The following CCDC80 variants were observed in gnomAD, a reference collection of about 807,000 sequenced individuals.
CCDC80 encodes the protein coiled-coil domain containing 80.
CCDC80 carries 49 observed loss-of-function variants against 78.7 expected under a neutral mutation model. The ratio of observed to expected loss-of-function variants is 0.62; its 90% CI spans 0.50 to 0.79. CCDC80 has a LOEUF of 0.79. Among genes scored for constraint, CCDC80 ranks in the 30% least tolerant of loss-of-function variants. CCDC80 has a pLI of 0.00. For missense variants in CCDC80, 1,205 were observed against 1,198.6 expected (o/e 1.01, Z -0.08); for synonymous variants, 488 against 447.0 (o/e 1.09, Z -1.16).
intron 5 of CCDC80, 81 bp from the exon 6 acceptor site, chr3:112,610,162 G>C (rs1559874978): frequency 8.1e-7 from 1 of 1,233,272 alleles, no homozygotes; most frequent in Admixed American, 1.9e-5. Flanking sequence ...AGTGACTTAG[G>C]CTAGCAATTT....
intron 6 of CCDC80, among the ~76,000 whole-genome samples, chr3:112,608,344 A>G (rs1013146182): frequency 2.6e-5 from 4 of 152,238 alleles, no homozygotes; most frequent in Non-Finnish European, 5.9e-5. Flanking sequence ...GCAAAATGCT[A>G]TTCAAAAAAA....
chr3:112,621,428 A>G (rs1935866535), intron 3 of CCDC80, among the ~76,000 whole-genome samples: 1 of 152,046 alleles, frequency 6.6e-6, no homozygotes, highest in Admixed American at 6.6e-5. Flanking sequence ...GATCAGCAGA[A>G]CCTCCTACCC....
rs144078455 is a variant in CCDC80, at chr3:112,606,971, AAAT to A, written c.2506+202_2506+204del. ...TGTTACTTGGAATGGTTTATATTAG[AAAT>A]AATATTAGTCCCTGTACTCCACACC... On this transcript the variant is annotated intron_variant, in intron 7 of 7. Coordinates refer to ENST00000206423, the MANE Select transcript of CCDC80 (RefSeq NM_199511.3). Among the ~76,000 whole-genome samples the A allele has an allele frequency of 8.6e-3, 1,315 of 152,300 alleles. 8 individuals are homozygous for A. The highest frequency in any genetic ancestry group is 0.014 in the Middle Eastern group (4 of 294).
In CCDC80 at chr3:112,597,577, C is replaced by G. The variant is rs947880804; in HGVS notation, c.*7840G>C. The G allele has an allele frequency of 3.3e-5, 5 of 152,096 alleles. No homozygotes were observed. The highest frequency in any genetic ancestry group is 2.9e-5 in the Non-Finnish European group (2 of 68,024). 9.4% of individuals were successfully genotyped at this position (152,096 alleles called of 1,614,324 possible). A position where few individuals can be genotyped will look rare whatever the true frequency, so the allele number is the denominator to read the frequency against. ...AATGAATTAATACAAGTGTCAGCAT[C>G]TTTCATGGACATCCAGACAATTTCT... is the stretch of plus-strand genomic sequence containing the variant. On this transcript the variant is annotated 3_prime_UTR_variant, in exon 8 of 8. Transcript: ENST00000206423.
At chr3:112,605,803 C>G (rs1212373740) in intron 7 of CCDC80, 40 bp from the exon 8 acceptor site, 1 of 1,504,618 alleles carries the variant, frequency 6.6e-7, no homozygotes, top group African/African-American at 1.4e-5. Flanking sequence ...GTAGATTAAA[C>G]AGTCAGAGCC....
chr3:112,622,007 T>G (rs1426747875), intron 3 of CCDC80, among the ~76,000 whole-genome samples: 1 of 152,150 alleles, frequency 6.6e-6, no homozygotes, highest in Non-Finnish European at 1.5e-5. Context: ...GAAAACCCAA[T>G]CTGTCACAGA....
chr3:112,599,621 C>T lies in CCDC80; in HGVS notation c.*5796G>A, dbSNP rs1009099506. The T allele has an allele frequency of 6.6e-6, 1 of 152,262 alleles. No individual in the cohort carries two copies. Among genetic ancestry groups the T allele is most frequent in the African/African-American group, 2.4e-5 (1 of 41,452 alleles). 9.4% of individuals were successfully genotyped at this position (152,262 alleles called of 1,614,324 possible). ...TCTCCACACATTCAGTACTGAGACACATTAAGAAGGGCCCACTGAGGCCAT... is the reference window on the plus strand; with the variant it reads ...TCTCCACACATTCAGTACTGAGACATATTAAGAAGGGCCCACTGAGGCCAT... On this transcript the variant is annotated 3_prime_UTR_variant, in exon 8 of 8. Coordinates refer to ENST00000206423, the MANE Select transcript of CCDC80 (RefSeq NM_199511.3).
chr3:112,610,166 G>A (rs759499743), intron 5 of CCDC80, 85 bp from the exon 6 acceptor site: 2 of 1,175,556 alleles, frequency 1.7e-6, no homozygotes, highest in Non-Finnish European at 2.5e-6. Flanking sequence ...ACTTAGGCTA[G>A]CAATTTTTTT....
rs772496790 is a variant in CCDC80, at chr3:112,638,866, G to T, written c.1040C>A (p.Thr347Asn). ...AGGAGGAAGGGTGGTGGCTCTGGGG[G>T]TTGAGGGAGGTTGGGGCAAAGCTGG... Reference protein sequence around the residue: ...TAPALPQPPSTPRATTLPPAP... With the variant: ...TAPALPQPPSNPRATTLPPAP... Residue 347 changes from threonine (T) to asparagine (N), a missense_variant, in exon 2 of 8, where the codon ACC becomes AAC. Coordinates refer to ENST00000206423, the MANE Select transcript of CCDC80 (RefSeq NM_199511.3). 6 of 1,613,664 alleles carry T rather than the reference G, an allele frequency of 3.7e-6. No individual in the cohort carries two copies. In the South Asian group the frequency reaches 6.6e-5, roughly 18 times the overall value.
rs1935468186 is a variant in CCDC80 at position 112,605,594 on chromosome 3, T to C, written c.2676A>G (p.Leu892=). 2 of 1,614,068 alleles carry C rather than the reference T, an allele frequency of 1.2e-6. No individual in the cohort carries two copies. The highest frequency in any genetic ancestry group is 1.1e-5 in the South Asian group (1 of 91,078). Residue 892 remains leucine, a synonymous_variant, in exon 8 of 8, where the codon TTA becomes TTG. Coordinates refer to ENST00000206423, the MANE Select transcript of CCDC80 (RefSeq NM_199511.3). The part of the protein sequence containing the change: ...PMWSMVIVYD[L]IDSMQLRRQE... ...GTCTCCGAAGTTGCATCGAATCAAT[T>C]AAATCGTACACAATCACCATGGACC...
chr3:112,622,822 A>ATTTTTTTTTTTTTTTT (rs373170477), intron 3 of CCDC80, among the ~76,000 whole-genome samples: 8 of 118,898 alleles, frequency 6.7e-5, no homozygotes, highest in African/African-American at 2.1e-4. Flanking sequence ...TGCCCAGCTA[A>ATTTTTTTTTTTTTTTT]TTTTTTTTTT....
chr3:112,622,664 TA>T (rs1935889880), intron 3 of CCDC80, among the ~76,000 whole-genome samples: 1 of 152,006 alleles, frequency 6.6e-6, no homozygotes, highest in East Asian at 1.9e-4. Flanking sequence ...AAATTATTAT[TA>T]TTATTTTTGA....
In CCDC80 at chr3:112,639,239, T is replaced by C; in HGVS notation, c.667A>G (p.Met223Val). 1 of 1,614,158 alleles carries C rather than the reference T, an allele frequency of 6.2e-7. No individual in the cohort carries two copies. The highest frequency in any genetic ancestry group is 8.5e-7 in the Non-Finnish European group (1 of 1,180,018). ...CCCTTCTCCAGCTTCAGGAAGCTCA[T>C]CAGCTTAGGGATGAGGCTAGGGTCC... ...PLDPSLIPKLMSFLKLEKGKF... is the reference protein window; with the variant it reads ...PLDPSLIPKLVSFLKLEKGKF... Residue 223 changes from methionine (M) to valine (V), a missense_variant, in exon 2 of 8, where the codon ATG (methionine) becomes GTG (valine). By Grantham distance (21) the Met-to-Val change is conservative (BLOSUM62 1). Coordinates refer to ENST00000206423, the MANE Select transcript of CCDC80 (RefSeq NM_199511.3).
At chr3:112,622,800 C>T (rs1559878386) in intron 3 of CCDC80, among the ~76,000 whole-genome samples, 1 of 150,138 alleles carries the variant, frequency 6.7e-6, no homozygotes, top group Non-Finnish European at 1.5e-5. Flanking sequence ...GGATTACAGG[C>T]ATGCACCACC....
At position 112,604,286 on chromosome 3, in the gene CCDC80, C is replaced by T. The variant is rs147873734; in HGVS notation, c.*1131G>A. ...ACAGCATCACATGCTGCAGAGAAAT[C>T]TTTCATGAAGAAAAAGTCAATCGAA... is the stretch of plus-strand genomic sequence containing the variant. On this transcript the variant is annotated 3_prime_UTR_variant, in exon 8 of 8. Coordinates refer to ENST00000206423, the MANE Select transcript of CCDC80 (RefSeq NM_199511.3). The T allele has an allele frequency of 6.6e-6, 1 of 152,160 alleles. No individual in the cohort carries two copies. Among genetic ancestry groups the T allele is most frequent in the Non-Finnish European group, 1.5e-5 (1 of 68,030 alleles). The allele number at this position is 152,160 out of a possible 1,614,324, so 9.4% of individuals were successfully genotyped here.
Position 112,638,240 on chromosome 3 carries a change from T to C in CCDC80, c.1666A>G (p.Asn556Asp), listed in dbSNP as rs1936252605. 6.2e-7 allele frequency: 1 copy of C among 1,613,610 alleles called. No homozygotes were observed. Among genetic ancestry groups the C allele is most frequent in the Admixed American group, 1.7e-5 (1 of 59,946 alleles). The change falls in exon 2 of 8, where the codon AAT becomes GAT. Residue 556 changes from asparagine to aspartate, a missense_variant. Coordinates refer to ENST00000206423, the MANE Select transcript of CCDC80 (RefSeq NM_199511.3). ...PEKEKKKKMK[N>D]ENADKLLKSE... is the part of the protein sequence containing the mutation. ...TTAAGTAACTTGTCTGCGTTCTCAT[T>C]CTTCATCTTTTTTTTCTTCTCCTTC...
At chr3:112,612,106 T>C (rs1935644008) in intron 5 of CCDC80, among the ~76,000 whole-genome samples, 1 of 150,586 alleles carries the variant, frequency 6.6e-6, no homozygotes, top group Non-Finnish European at 1.5e-5. Context: ...GACAGGGAGC[T>C]GAATGTGTCT....
At chr3:112,633,493 T>G (rs1936140667) in intron 2 of CCDC80, among the ~76,000 whole-genome samples, 1 of 152,218 alleles carries the variant, frequency 6.6e-6, no homozygotes, top group African/African-American at 2.4e-5. Context: ...AGGCAGAATG[T>G]AAGTTCCTCA....
In CCDC80 at chr3:112,619,053, C is replaced by T. The variant is rs747085670; in HGVS notation, c.2087G>A (p.Arg696His). ...VVDDEDLVDQ[R>H]LISELRKEYG... is the part of the protein sequence containing the mutation. The stretch of plus-strand genomic sequence containing the variant: ...CTCTTTCCTCAGCTCGCTGATGAGA[C>T]GCTGGTCTACCAAGTCTTCATCATC... Residue 696 changes from arginine (R) to histidine (H), a missense_variant, in exon 4 of 8, where the codon CGT becomes CAT. Physicochemically the swap from Arg to His is conservative, Grantham distance 29. Transcript: ENST00000206423. The T allele has an allele frequency of 1.2e-5, 20 of 1,609,700 alleles. No individual in the cohort carries two copies. The highest frequency in any genetic ancestry group is 2.7e-5 in the African/African-American group (2 of 74,628).
Sources: allele counts gnomAD v4.1 joint callset (sites outside exome capture counted in the v4.1 genomes callset), GRCh38; gene constraint gnomAD v4.1.1; transcripts MANE v1.5; gene names NCBI Gene and HGNC (gene_info 2026-07-23, HGNC 2026-07-21).